The following SCN2B variants were observed in gnomAD, a reference collection of about 807,000 sequenced individuals.
The protein encoded by SCN2B is sodium channel regulatory subunit beta-2.
In SCN2B, 14 loss-of-function variants were observed where a neutral mutation model predicts 18.2. That is an observed-to-expected ratio of 0.77 (90% confidence interval 0.51 to 1.21). The LOEUF (loss-of-function observed/expected upper bound fraction) is 1.21, where lower values mean the gene tolerates loss of function less well. Ranked by LOEUF, SCN2B falls within the 50% of genes most tolerant of loss-of-function variation. The pLI, the probability that SCN2B is intolerant of heterozygous loss-of-function variation, is 0.00. For missense variants in SCN2B, 262 were observed against 286.9 expected, an observed-to-expected ratio of 0.91 and a Z score of 0.63; for synonymous variants, 115 against 115.3, an observed-to-expected ratio of 1.00 and a Z score of 0.02.
At chr11:118,169,027 C>T (rs994028160) in intron 1 of SCN2B, among the ~76,000 whole-genome samples, 3 of 152,114 alleles carry the variant, frequency 2.0e-5, no homozygotes, top group African/African-American at 7.2e-5. Context: ...TCCCAAGTAG[C>T]TGGGAGTACA....
rs1021788969 is a variant in SCN2B at position 118,165,149 on chromosome 11, A to G, written c.*1738T>C. On this transcript the variant is annotated 3_prime_UTR_variant, in exon 4 of 4. Transcript: ENST00000278947. ...TGGGCTCCTGGGAGGGGGCAGGGCT[A>G]GAGAAGCCCACCCCTCCAACTCGCC... is the stretch of plus-strand genomic sequence containing the variant. The G allele has an allele frequency of 1.3e-5, 2 of 152,492 alleles. No homozygotes were observed. Among genetic ancestry groups the G allele is most frequent in the African/African-American group, 2.4e-5 (1 of 41,436 alleles). 9.4% of individuals were successfully genotyped at this position (152,492 alleles called of 1,614,324 possible). A position where few individuals can be genotyped will look rare whatever the true frequency, so the allele number is the denominator to read the frequency against.
chr11:118,171,884 A>G lies in SCN2B; in HGVS notation c.71-3133T>C, dbSNP rs545687605. Among the ~76,000 whole-genome samples the G allele has an allele frequency of 2.9e-3, 435 of 152,370 alleles. 2 individuals carry two copies. Among genetic ancestry groups the G allele is most frequent in the African/African-American group, 9.8e-3 (407 of 41,594 alleles). On this transcript the variant is annotated intron_variant, in intron 1 of 3. Coordinates refer to ENST00000278947, the MANE Select transcript of SCN2B (RefSeq NM_004588.5). ...CGGAGCCACAGCTGGAGCTGAGATC[A>G]GAAACCGTAGATCTAGCCCCATTGT...
chr11:118,166,709 G>A lies in SCN2B; in HGVS notation c.*178C>T. ...AGCATGGCAGGTTTCTCGGATGGAAGAGAGTGGGTCACTCTTGGTGCAGGG... is the reference window on the plus strand; with the variant it reads ...AGCATGGCAGGTTTCTCGGATGGAAAAGAGTGGGTCACTCTTGGTGCAGGG... On this transcript the variant is annotated 3_prime_UTR_variant, in exon 4 of 4. Coordinates refer to ENST00000278947, the MANE Select transcript of SCN2B (RefSeq NM_004588.5). 2 of 699,170 alleles carry A rather than the reference G, an allele frequency of 2.9e-6. No individual in the cohort carries two copies. Among genetic ancestry groups the A allele is most frequent in the Non-Finnish European group, 5.0e-6 (2 of 402,490 alleles). 43.3% of individuals were successfully genotyped at this position (699,170 alleles called of 1,614,324 possible).
At chr11:118,176,236 C>T (rs1205043563) in intron 1 of SCN2B, 126 bp downstream of exon 1, 5 of 891,478 alleles carry the variant, frequency 5.6e-6, no homozygotes, top group East Asian at 2.5e-5. Context: ...TCCCCAGCAC[C>T]TCCCCTCCCA....
Position 118,165,888 on chromosome 11 carries a change from G to GCC in SCN2B, c.*998_*999insGG, listed in dbSNP as rs1948377352. Reference sequence around the variant, plus strand: ...AGGCCTCCCCTTATGCCGGCCTCAGGCTTTCCCTTCCCTCTCTGTAGCCAA... The same window carrying GCC: ...AGGCCTCCCCTTATGCCGGCCTCAGGCCCTTTCCCTTCCCTCTCTGTAGCCAA... On this transcript the variant is annotated 3_prime_UTR_variant, in exon 4 of 4. Transcript: ENST00000278947. The GCC allele has an allele frequency of 5.2e-5, 8 of 152,412 alleles. No homozygotes were observed. The South Asian group carries it at 1.7e-3, about 32-fold the overall frequency. 9.4% of individuals were successfully genotyped at this position (152,412 alleles called of 1,614,324 possible). A position where few individuals can be genotyped will look rare whatever the true frequency, so the allele number is the denominator to read the frequency against.
intron 1 of SCN2B, among the ~76,000 whole-genome samples, chr11:118,170,267 G>A (rs1948420137): frequency 2.0e-5 from 3 of 152,216 alleles, no homozygotes; most frequent in African/African-American, 7.2e-5. Context: ...ATTGTCTGAT[G>A]TCGGGTGGGC....
Position 118,168,157 on chromosome 11 carries a change from T to C in SCN2B, c.376A>G (p.Asn126Asp). 6.2e-7 allele frequency: 1 copy of C among 1,614,168 alleles called. No individual in the cohort carries two copies. The highest frequency in any genetic ancestry group is 8.5e-7 in the Non-Finnish European group (1 of 1,180,024). The change falls in exon 3 of 4, where the codon AAC (asparagine) becomes GAC (aspartate). Residue 126 changes from asparagine to aspartate, a missense_variant. By Grantham distance (23) the Asn-to-Asp change is conservative. Transcript: ENST00000278947. The surrounding 1 kb of genome is among the most constrained non-coding windows in gnomAD (Gnocchi z 4.7). ...NVQPEDEGIY[N>D]CYIMNPPDRH... ...TCAGGGGGGTTCATGATGTAGCAGT[T>C]GTAAATCCCCTCATCCTCCGGCTGC...
chr11:118,166,765 C>A lies in SCN2B; in HGVS notation c.*122G>T. The stretch of plus-strand genomic sequence containing the variant: ...GATACGAAGTCGGGGGTTCAGGAGG[C>A]CCCAGGTGGGCCCTGGGGTCCTAGG... On this transcript the variant is annotated 3_prime_UTR_variant, in exon 4 of 4. Coordinates refer to ENST00000278947, the MANE Select transcript of SCN2B (RefSeq NM_004588.5). 1 of 1,169,574 alleles carries A rather than the reference C, an allele frequency of 8.6e-7. No homozygotes were observed. The highest frequency in any genetic ancestry group is 1.8e-5 in the Admixed American group (1 of 54,708). The allele number at this position is 1,169,574 out of a possible 1,614,324, so 72.4% of individuals were successfully genotyped here.
chr11:118,167,419 T>C (rs947207727), intron 3 of SCN2B, among the ~76,000 whole-genome samples: 1 of 152,214 alleles, frequency 6.6e-6, no homozygotes, highest in Non-Finnish European at 1.5e-5. Context: ...TTTTCTAACA[T>C]GTAAAATGGG....
Position 118,168,051 on chromosome 11 carries a change from G to T in SCN2B, c.448+34C>A. 6.3e-7 allele frequency: 1 copy of T among 1,582,276 alleles called. No individual in the cohort carries two copies. Among genetic ancestry groups the T allele is most frequent in the Non-Finnish European group, 8.6e-7 (1 of 1,156,618 alleles). ...CGCAGAGAGTAGGTGGGTGGGAAAG[G>T]TCAGGGCCCCGCAGCTGGCACCCCA... On this transcript the variant is annotated intron_variant, in intron 3 of 3. Transcript: ENST00000278947. The surrounding 1 kb of genome is among the most constrained non-coding windows in gnomAD (Gnocchi z 4.7).
intron 1 of SCN2B, 21 bp downstream of exon 1, chr11:118,176,341 A>C: frequency 6.2e-7 from 1 of 1,607,940 alleles, no homozygotes. Context: ...CCTCGGGAGC[A>C]TGCAGATGTG....
In SCN2B at chr11:118,165,315, T is replaced by G. The variant is rs1948368954; in HGVS notation, c.*1572A>C. 1 of 152,654 alleles carries G rather than the reference T, an allele frequency of 6.6e-6. No individual in the cohort carries two copies. Among genetic ancestry groups the G allele is most frequent in the African/African-American group, 2.4e-5 (1 of 41,456 alleles). 9.5% of individuals were successfully genotyped at this position (152,654 alleles called of 1,614,324 possible). A position where few individuals can be genotyped will look rare whatever the true frequency, so the allele number is the denominator to read the frequency against. On this transcript the variant is annotated 3_prime_UTR_variant, in exon 4 of 4. Coordinates refer to ENST00000278947, the MANE Select transcript of SCN2B (RefSeq NM_004588.5). ...GGAACCTCAGTTTCCCCATTTTAAGTGAGTGACTTGGCTAGTTGATCTCTG... is the reference window on the plus strand; with the variant it reads ...GGAACCTCAGTTTCCCCATTTTAAGGGAGTGACTTGGCTAGTTGATCTCTG...
intron 3 of SCN2B, 150 bp from the exon 4 acceptor site, chr11:118,167,236 A>C (rs1948392474): frequency 1.3e-6 from 1 of 797,066 alleles, no homozygotes; most frequent in Non-Finnish European, 1.9e-6. Flanking sequence ...CCAGTGACTG[A>C]CCCTGAAGCG....
chr11:118,174,124 G>A (rs374690319), intron 1 of SCN2B, among the ~76,000 whole-genome samples: 1 of 44,932 alleles, frequency 2.2e-5, no homozygotes, highest in Non-Finnish European at 3.1e-5. Flanking sequence ...TTTTTTTGTA[G>A]AGACAGGGTC....
At chr11:118,174,379 G>A (rs1010689774) in intron 1 of SCN2B, among the ~76,000 whole-genome samples, 4 of 152,074 alleles carry the variant, frequency 2.6e-5, no homozygotes, top group Admixed American at 2.6e-4. Context: ...AGCCTCATAT[G>A]CTTCTGCCGT....
intron 1 of SCN2B, among the ~76,000 whole-genome samples, chr11:118,174,886 C>T (rs185239363): frequency 1.3e-5 from 2 of 152,322 alleles, no homozygotes; most frequent in African/African-American, 4.8e-5. Context: ...AGGCCACTCA[C>T]CCAACTCCCC....
chr11:118,166,772 TG>T lies in SCN2B; in HGVS notation c.*114del. The T allele has an allele frequency of 8.0e-7, 1 of 1,250,866 alleles. No individual in the cohort carries two copies. Among genetic ancestry groups the T allele is most frequent in the Non-Finnish European group, 1.2e-6 (1 of 867,838 alleles). 77.5% of individuals were successfully genotyped at this position (1,250,866 alleles called of 1,614,324 possible). ...AGTCGGGGGTTCAGGAGGCCCCAGG[TG>T]GGCCCTGGGGTCCTAGGTCACGGGA... is the stretch of plus-strand genomic sequence containing the variant. On this transcript the variant is annotated 3_prime_UTR_variant, in exon 4 of 4. Coordinates refer to ENST00000278947, the MANE Select transcript of SCN2B (RefSeq NM_004588.5).
rs1323118330 is a variant in SCN2B at position 118,164,034 on chromosome 11, C to G, written c.*2853G>C. On this transcript the variant is annotated 3_prime_UTR_variant, in exon 4 of 4. Coordinates refer to ENST00000278947, the MANE Select transcript of SCN2B (RefSeq NM_004588.5). ...CTGACCCAGCCCCATCTGCTGGGGC[C>G]CTGAGGCCCGTGAAGAGACATTGCT... is the stretch of plus-strand genomic sequence containing the variant. 3.3e-5 allele frequency: 5 copies of G among 152,012 alleles called. No individual in the cohort carries two copies. The highest frequency in any genetic ancestry group is 3.3e-4 in the Admixed American group (5 of 15,268). 9.4% of individuals were successfully genotyped at this position (152,012 alleles called of 1,614,324 possible).
rs977682869 is a variant in SCN2B at position 118,164,943 on chromosome 11, T to C, written c.*1944A>G. On this transcript the variant is annotated 3_prime_UTR_variant, in exon 4 of 4. Coordinates refer to ENST00000278947, the MANE Select transcript of SCN2B (RefSeq NM_004588.5). Reference sequence around the variant, plus strand: ...TGTCACGGTCCTGTCTCCACCCCCTTTCCTAGACTTATTCCCTACCCTGGG... The same window carrying C: ...TGTCACGGTCCTGTCTCCACCCCCTCTCCTAGACTTATTCCCTACCCTGGG... The C allele has an allele frequency of 2.0e-5, 3 of 152,662 alleles. No individual in the cohort carries two copies. Among genetic ancestry groups the C allele is most frequent in the Admixed American group, 1.3e-4 (2 of 15,278 alleles). 9.5% of individuals were successfully genotyped at this position (152,662 alleles called of 1,614,324 possible).
Sources: allele counts gnomAD v4.1 joint callset (sites outside exome capture counted in the v4.1 genomes callset), GRCh38; gene constraint gnomAD v4.1.1; non-coding constraint Gnocchi (gnomAD v3.1); transcripts MANE v1.5; gene names NCBI Gene and HGNC (gene_info 2026-07-23, HGNC 2026-07-21).